Variants in EEFSEC observed in about 807,000 individuals in gnomAD.
EEFSEC encodes the protein selenocysteine-specific elongation factor.
Under a neutral mutation model 42.1 loss-of-function variants are expected in EEFSEC, and 43 were observed. The ratio of observed to expected loss-of-function variants is 1.02; its 90% CI spans 0.80 to 1.32. The LOEUF (loss-of-function observed/expected upper bound fraction) is 1.32. Ranked by LOEUF, EEFSEC falls within the 40% of genes most tolerant of loss-of-function variation. EEFSEC has a pLI of 0.00. For missense variants in EEFSEC, 745 were observed against 803.6 expected, an observed-to-expected ratio of 0.93 and a Z score of 0.88; for synonymous variants, 354 against 339.1, an observed-to-expected ratio of 1.04 and a Z score of -0.48.
chr3:128,177,940 C>A (rs1228138897), intron 1 of EEFSEC, among the ~76,000 whole-genome samples: 1 of 152,152 alleles, frequency 6.6e-6, no homozygotes, highest in Non-Finnish European at 1.5e-5. Flanking sequence ...GACACACATT[C>A]TTTATATAAA....
chr3:128,368,053 A>C (rs1227928104), intron 6 of EEFSEC, among the ~76,000 whole-genome samples: 1 of 152,232 alleles, frequency 6.6e-6, no homozygotes. Context: ...TCCTGGGTGT[A>C]GCCCCTTGCA....
chr3:128,236,033 C>T (rs2066006754), intron 1 of EEFSEC, among the ~76,000 whole-genome samples: 1 of 152,192 alleles, frequency 6.6e-6, no homozygotes, highest in Non-Finnish European at 1.5e-5. Flanking sequence ...GGCGCAATCT[C>T]GCCTTACTGC....
At chr3:128,156,053 T>TA (rs1944375788) in intron 1 of EEFSEC, among the ~76,000 whole-genome samples, 1 of 152,220 alleles carries the variant, frequency 6.6e-6, no homozygotes, top group African/African-American at 2.4e-5. Context: ...AGGCAGAGGT[T>TA]AAAAAATGAG....
chr3:128,304,702 A>AT (rs1376181643), intron 4 of EEFSEC, among the ~76,000 whole-genome samples: 2,267 of 142,898 alleles, frequency 0.016, 54 homozygotes, highest in African/African-American at 0.051. Flanking sequence ...GTTGTTTGTA[A>AT]TTTTTTTTTT....
chr3:128,338,006 C>T (rs2067208938), intron 4 of EEFSEC, among the ~76,000 whole-genome samples: 1 of 152,198 alleles, frequency 6.6e-6, no homozygotes, highest in African/African-American at 2.4e-5. Flanking sequence ...GAACTGGAAA[C>T]ACCCCCAGTG....
intron 1 of EEFSEC, among the ~76,000 whole-genome samples, chr3:128,174,861 A>G (rs1327588681): frequency 6.6e-6 from 1 of 152,184 alleles, no homozygotes; most frequent in East Asian, 1.9e-4. Context: ...GGGGCAGTCA[A>G]AAGTCCTCTT....
intron 1 of EEFSEC, among the ~76,000 whole-genome samples, chr3:128,225,306 CTT>C (rs938235569): frequency 3.9e-5 from 6 of 152,286 alleles, no homozygotes; most frequent in African/African-American, 1.4e-4. Context: ...GGGTCAGTGT[CTT>C]TTTTTGGTTT....
At chr3:128,346,315 G>T (rs1279317732) in intron 5 of EEFSEC, among the ~76,000 whole-genome samples, 1 of 152,172 alleles carries the variant, frequency 6.6e-6, no homozygotes, top group Non-Finnish European at 1.5e-5. Context: ...TTGGTAAATG[G>T]CTTTCCTTGC....
At chr3:128,178,914 C>G (rs916146455) in intron 1 of EEFSEC, among the ~76,000 whole-genome samples, 2 of 152,142 alleles carry the variant, frequency 1.3e-5, no homozygotes, top group African/African-American at 4.8e-5. Flanking sequence ...AAGATTCAAT[C>G]AAGTATTTTG....
At chr3:128,355,609 T>TAAAAAAA (rs5852542) in intron 5 of EEFSEC, among the ~76,000 whole-genome samples, 1 of 122,722 alleles carries the variant, frequency 8.1e-6, no homozygotes. Flanking sequence ...AATGAAGCTG[T>TAAAAAAA]AAAAAAAAAA....
chr3:128,154,363 C>A (rs1020497594), intron 1 of EEFSEC, among the ~76,000 whole-genome samples: 4 of 152,126 alleles, frequency 2.6e-5, no homozygotes, highest in African/African-American at 9.7e-5. Context: ...CTGGAGAGTG[C>A]CCCATATCTG....
intron 5 of EEFSEC, among the ~76,000 whole-genome samples, chr3:128,346,051 G>A (rs2067309006): frequency 6.6e-6 from 1 of 152,236 alleles, no homozygotes; most frequent in Non-Finnish European, 1.5e-5. Context: ...AAACACAGAA[G>A]ATGCTAATTT....
chr3:128,312,456 C>T (rs2066899822), intron 4 of EEFSEC, among the ~76,000 whole-genome samples: 1 of 152,260 alleles, frequency 6.6e-6, no homozygotes, highest in African/African-American at 2.4e-5. Flanking sequence ...GCCTTTGTGT[C>T]ACCAGACTGC....
chr3:128,407,553 C>T (rs559895291), intron 6 of EEFSEC, among the ~76,000 whole-genome samples: 1 of 152,236 alleles, frequency 6.6e-6, no homozygotes, highest in South Asian at 2.1e-4. Flanking sequence ...TGAAGGCAGC[C>T]CAGGTCCTGC....
intron 6 of EEFSEC, among the ~76,000 whole-genome samples, chr3:128,373,765 AG>A (rs1271304645): frequency 6.6e-6 from 1 of 152,130 alleles, no homozygotes; most frequent in Non-Finnish European, 1.5e-5. Context: ...TCAGCTCTGG[AG>A]GGGGCTAACC....
rs1269617825 is a variant in EEFSEC at position 128,317,428 on chromosome 3, A to G, written c.787-23805A>G. Among the ~76,000 whole-genome samples, 2 of 152,220 alleles carry G rather than the reference A, an allele frequency of 1.3e-5. No homozygotes were observed. Among genetic ancestry groups the G allele is most frequent in the Non-Finnish European group, 2.9e-5 (2 of 68,028 alleles). ...CTTGGTGCTGCTGCATGCCAGGCAC[A>G]CTGTGAGAACTGTGGACATGCTCAG... is the stretch of plus-strand genomic sequence containing the variant. On this transcript the variant is annotated intron_variant, in intron 4 of 6. Transcript: ENST00000254730. This position sits in a 1 kb window ranked among gnomAD's most constrained non-coding sequence, Gnocchi z 4.1.
chr3:128,347,944 C>T (rs1211835828), intron 5 of EEFSEC, among the ~76,000 whole-genome samples: 1 of 152,174 alleles, frequency 6.6e-6, no homozygotes, highest in Non-Finnish European at 1.5e-5. Context: ...AACTCTTACA[C>T]TCCTTGAATA....
chr3:128,153,651 G>C lies in EEFSEC; in HGVS notation c.144G>C (p.Thr48=), dbSNP rs148745324. ...CGCAGAGCCGCGAGCGCGGCATCACGCTCGATCTGGGCTTCTCGTGCTTCT... is the reference window on the plus strand; with the variant it reads ...CGCAGAGCCGCGAGCGCGGCATCACCCTCGATCTGGGCTTCTCGTGCTTCT... The part of the protein sequence containing the change: ...KQPQSRERGI[T]LDLGFSCFSV... The change falls in exon 1 of 7, where the codon ACG becomes ACC. Residue 48 remains threonine, a synonymous_variant. Coordinates refer to ENST00000254730, the MANE Select transcript of EEFSEC (RefSeq NM_021937.5). 78 of 1,598,440 alleles carry C rather than the reference G, an allele frequency of 4.9e-5. No individual in the cohort carries two copies. The South Asian group carries it at 7.6e-4, about 16-fold the overall frequency.
At position 128,195,215 on chromosome 3, in the gene EEFSEC, A is replaced by G. The variant is rs1167091603; in HGVS notation, c.316+41392A>G. Among the ~76,000 whole-genome samples the G allele has an allele frequency of 2.6e-5, 4 of 152,220 alleles. No homozygotes were observed. In the East Asian group the frequency reaches 7.7e-4, roughly 29 times the overall value. On this transcript the variant is annotated intron_variant, in intron 1 of 6. Transcript: ENST00000254730. ...TTCTATGGCTTTAGGAGTTGAGGAA[A>G]CATGAAAGAAATCTGCCTTCTATTT... is the stretch of plus-strand genomic sequence containing the variant.
Sources: gnomAD v4.1 joint callset for allele counts (sites outside exome capture counted in the v4.1 genomes callset) on GRCh38, gnomAD v4.1.1 for gene constraint, Gnocchi (gnomAD v3.1) non-coding constraint, MANE v1.5 for transcripts, NCBI Gene and HGNC (gene_info 2026-07-23, HGNC 2026-07-21) for gene names.